The following TRIM37 variants were observed in gnomAD, a reference collection of about 807,000 sequenced individuals.
TRIM37 encodes tripartite motif containing 37, also known as E3 ubiquitin-protein ligase TRIM37.
In TRIM37, 80 loss-of-function variants were observed where a neutral mutation model predicts 129.8. The observed-to-expected ratio is 0.62, with a 90% CI of 0.51 to 0.74. The LOEUF (loss-of-function observed/expected upper bound fraction) is 0.74. Among genes scored for constraint, TRIM37 ranks in the 30% least tolerant of loss-of-function variants. TRIM37 has a pLI of 0.00. For missense variants in TRIM37, 1,054 were observed against 1,176.5 expected (o/e 0.90, Z 1.52); for synonymous variants, 389 against 387.1 (o/e 1.00, Z -0.06).
intron 10 of TRIM37, among the ~76,000 whole-genome samples, chr17:59,063,119 AC>A (rs1266685781): frequency 2.0e-5 from 3 of 152,042 alleles, no homozygotes; most frequent in Non-Finnish European, 2.9e-5. Flanking sequence ...CACAAAAGTA[AC>A]CCTAAGAAAA....
rs182762198 is a variant in TRIM37 at position 59,105,492 on chromosome 17, G to T, written c.21+949C>A. On this transcript the variant is annotated intron_variant, in intron 1 of 23. Transcript: ENST00000262294. Reference sequence around the variant, plus strand: ...ACTGAAAAGTTTTTAACAAGAAAAAGGATACAATTAAACGTATACTTATTG... The same window carrying T: ...ACTGAAAAGTTTTTAACAAGAAAAATGATACAATTAAACGTATACTTATTG... Among the ~76,000 whole-genome samples, 782 of 152,150 alleles carry T rather than the reference G, an allele frequency of 5.1e-3. 14 individuals are homozygous for T. Among genetic ancestry groups the T allele is most frequent in the Non-Finnish European group, 2.9e-3 (199 of 67,998 alleles).
At chr17:59,075,768 G>T in intron 7 of TRIM37, 54 bp from the exon 8 acceptor site, 1 of 1,306,762 alleles carries the variant, frequency 7.7e-7, no homozygotes, top group Non-Finnish European at 1.1e-6. Context: ...GTTTAAGAAT[G>T]AAATTAACTT....
intron 13 of TRIM37, among the ~76,000 whole-genome samples, chr17:59,052,401 C>T (rs888804016): frequency 3.3e-5 from 5 of 152,124 alleles, no homozygotes; most frequent in African/African-American, 4.8e-5. Flanking sequence ...CCCTTTTACC[C>T]GGCTACACAA....
chr17:59,056,855 C>T lies in TRIM37; in HGVS notation c.1199+20G>A. The T allele has an allele frequency of 1.3e-6, 2 of 1,547,756 alleles. No homozygotes were observed. Among genetic ancestry groups the T allele is most frequent in the Non-Finnish European group, 1.8e-6 (2 of 1,139,390 alleles). On this transcript the variant is annotated intron_variant, in intron 13 of 23. Transcript: ENST00000262294. Reference sequence around the variant, plus strand: ...TATTTCCCCACAATAAAAACCACAACATCAAATTTTTCCTGTTACCTTAAA... The same window carrying T: ...TATTTCCCCACAATAAAAACCACAATATCAAATTTTTCCTGTTACCTTAAA...
downstream of TRIM37, among the ~76,000 whole-genome samples, chr17:58,995,108 G>A (rs1187644628): frequency 6.6e-6 from 1 of 151,984 alleles, no homozygotes; most frequent in Non-Finnish European, 1.5e-5. Context: ...AAGTGCAGTA[G>A]CACGATTTTG....
intron 22 of TRIM37, among the ~76,000 whole-genome samples, chr17:59,002,167 C>A (rs1319426501): frequency 6.6e-6 from 1 of 152,074 alleles, no homozygotes; most frequent in Non-Finnish European, 1.5e-5. Flanking sequence ...GAAATTCTGG[C>A]AATTCTAATA....
intron 12 of TRIM37, among the ~76,000 whole-genome samples, chr17:59,060,129 C>T (rs71372870): frequency 6.6e-6 from 1 of 152,158 alleles, no homozygotes; most frequent in Non-Finnish European, 1.5e-5. Flanking sequence ...ATTGTCCTTT[C>T]TAGACTCTCA....
At chr17:59,083,319 T>C (rs950330963) in intron 5 of TRIM37, among the ~76,000 whole-genome samples, 2 of 151,640 alleles carry the variant, frequency 1.3e-5, no homozygotes, top group African/African-American at 4.9e-5. Context: ...ATGCCTGTAA[T>C]CCTAGCTACT....
At chr17:58,987,510 G>A (rs565994835) in intron 24 of TRIM37, among the ~76,000 whole-genome samples, 3 of 152,218 alleles carry the variant, frequency 2.0e-5, no homozygotes, top group African/African-American at 7.2e-5. Context: ...TTTAGAAAGA[G>A]AGCAGCCCGT....
chr17:59,004,742 C>T (rs1316950001), intron 22 of TRIM37, among the ~76,000 whole-genome samples: 1 of 152,126 alleles, frequency 6.6e-6, no homozygotes, highest in Non-Finnish European at 1.5e-5. Flanking sequence ...AAGGAAAAAT[C>T]GATGGGTATT....
At chr17:59,016,913 T>G (rs2036015060) in intron 20 of TRIM37, among the ~76,000 whole-genome samples, 1 of 152,144 alleles carries the variant, frequency 6.6e-6, no homozygotes, top group Admixed American at 6.6e-5. Context: ...GTGGGGCTCA[T>G]TCCTGTAATC....
At position 59,017,347 on chromosome 17, in the gene TRIM37, C is replaced by T; in HGVS notation, c.2335G>A (p.Asp779Asn). The change falls in exon 20 of 24, where the codon GAC becomes AAC. Residue 779 changes from aspartate to asparagine, a missense_variant. By Grantham distance (23) the Asp-to-Asn change is conservative. Transcript: ENST00000262294. ...AGSLSLRRAV[D>N]PGENSRSKGD... ...TTTGAACGACTATTTTCTCCAGGGT[C>T]CACTGCTCTTCGAAGTGATAGACTA... The T allele has an allele frequency of 1.2e-6, 2 of 1,614,162 alleles. No individual in the cohort carries two copies. The highest frequency in any genetic ancestry group is 1.7e-6 in the Non-Finnish European group (2 of 1,180,008).
At chr17:58,986,558 G>A (rs1422824868) in intron 24 of TRIM37, among the ~76,000 whole-genome samples, 1 of 148,030 alleles carries the variant, frequency 6.8e-6, no homozygotes, top group Non-Finnish European at 1.5e-5. Context: ...TGTCACCCTG[G>A]CTGGAGTGCA....
At chr17:59,091,170 A>G (rs2044266407) in intron 3 of TRIM37, 130 bp downstream of exon 3, 1 of 445,928 alleles carries the variant, frequency 2.2e-6, no homozygotes, top group South Asian at 3.0e-5. Context: ...CAAATTGCTT[A>G]TTTCTACTCA....
At chr17:59,028,770 T>TAA in intron 18 of TRIM37, 47 bp from the exon 19 acceptor site, 2 of 1,596,568 alleles carry the variant, frequency 1.3e-6, no homozygotes, top group Non-Finnish European at 1.7e-6. Flanking sequence ...TTAATATTAA[T>TAA]GAAATCATTT....
rs544603478 is a variant in TRIM37 at position 59,031,865 on chromosome 17, A to G, written c.1948+31T>C. The G allele has an allele frequency of 3.7e-6, 6 of 1,611,138 alleles. No individual in the cohort carries two copies. The South Asian group carries it at 5.5e-5, about 15-fold the overall frequency. ...AGAGTTCTTTTAGAGAACCACAGAA[A>G]AAAAGGAAATTATCATTGTTATTAT... On this transcript the variant is annotated intron_variant, in intron 18 of 23. Transcript: ENST00000262294.
chr17:59,071,054 T>C (rs2042319465), intron 8 of TRIM37, 107 bp from the exon 9 acceptor site: 1 of 1,285,524 alleles, frequency 7.8e-7, no homozygotes, highest in Non-Finnish European at 1.1e-6. Flanking sequence ...AAAAAAATGA[T>C]AAAAATAACT....
intron 22 of TRIM37, among the ~76,000 whole-genome samples, chr17:59,002,202 C>T (rs1296493265): frequency 1.3e-5 from 2 of 152,038 alleles, no homozygotes; most frequent in African/African-American, 4.8e-5. Flanking sequence ...AATTGGGCAT[C>T]TAATTTTTTT....
intron 4 of TRIM37, among the ~76,000 whole-genome samples, chr17:59,087,085 AG>A (rs2043818488): frequency 1.3e-5 from 2 of 151,994 alleles, no homozygotes; most frequent in African/African-American, 4.8e-5. Context: ...CTTGAATAGC[AG>A]GTTTTTGGTT....
Sources: gnomAD v4.1 joint callset for allele counts (sites outside exome capture counted in the v4.1 genomes callset) on GRCh38, gnomAD v4.1.1 for gene constraint, MANE v1.5 for transcripts, NCBI Gene and HGNC (gene_info 2026-07-23, HGNC 2026-07-21) for gene names.